GBF1: variants seen among roughly 807,000 people sequenced by gnomAD.
GBF1 encodes golgi brefeldin A resistant guanine nucleotide exchange factor 1.
In GBF1, 114 loss-of-function variants were observed where a neutral mutation model predicts 210.5. The observed-to-expected ratio is 0.54, with a 90% confidence interval of 0.47 to 0.63. GBF1 has a LOEUF of 0.63. GBF1 is among the 30% of genes least tolerant of loss of function. GBF1 has a pLI of 0.00. For missense variants in GBF1, 1,851 were observed against 2,357.7 expected, an observed-to-expected ratio of 0.79 and a Z score of 4.45; for synonymous variants, 850 against 889.2, an observed-to-expected ratio of 0.96 and a Z score of 0.78.
Position 102,292,279 on chromosome 10 carries a change from GACAA to G in GBF1, c.163+32171_163+32174del, listed in dbSNP as rs1055097256. On this transcript the variant is annotated intron_variant, in intron 3 of 39. Coordinates refer to ENST00000369983, the MANE Select transcript of GBF1 (RefSeq NM_001377137.1). ...AATAAGAAAATTCTGGAATCTCTGG[GACAA>G]ACAAACAGAAAAGAAAAAAAAATTT... Among the ~76,000 whole-genome samples the G allele has an allele frequency of 1.3e-4, 19 of 151,268 alleles. 1 individual carries two copies. The highest frequency in any genetic ancestry group is 2.4e-4 in the African/African-American group (10 of 41,206).
intron 29 of GBF1, among the ~76,000 whole-genome samples, chr10:102,373,042 C>T (rs951213591): frequency 2.0e-5 from 3 of 152,126 alleles, no homozygotes; most frequent in African/African-American, 4.8e-5. Context: ...AAGTTTTGTT[C>T]TATGAGAGCC....
intron 3 of GBF1, among the ~76,000 whole-genome samples, chr10:102,288,574 G>A (rs942700415): frequency 1.4e-4 from 22 of 151,784 alleles, no homozygotes; most frequent in African/African-American, 5.1e-4. Flanking sequence ...AGCCGGGCGC[G>A]GTGGCGGGCG....
intron 38 of GBF1, 33 bp downstream of exon 38, chr10:102,380,719 G>A (rs199806674): frequency 1.4e-5 from 22 of 1,546,174 alleles, no homozygotes; most frequent in Non-Finnish European, 1.8e-5. Flanking sequence ...ATCAAAAAGA[G>A]TCTCCTGCCT....
At chr10:102,329,712 C>G (rs576456083) in intron 3 of GBF1, among the ~76,000 whole-genome samples, 1 of 152,296 alleles carries the variant, frequency 6.6e-6, no homozygotes, top group East Asian at 1.9e-4. Context: ...ATCCACCTGC[C>G]TCGGCCTCCC....
At chr10:102,255,049 C>CT (rs1206639712) in intron 1 of GBF1, among the ~76,000 whole-genome samples, 10 of 151,114 alleles carry the variant, frequency 6.6e-5, no homozygotes, top group East Asian at 3.9e-4. Context: ...CTAGATGTTT[C>CT]TTTTTTTTTG....
intron 3 of GBF1, among the ~76,000 whole-genome samples, chr10:102,327,339 A>T (rs111669791): frequency 6.6e-6 from 1 of 152,206 alleles, no homozygotes; most frequent in Non-Finnish European, 1.5e-5. Flanking sequence ...GTGCAGCAAC[A>T]TTGAAGAACT....
At chr10:102,340,940 AT>A (rs1012358447) in intron 3 of GBF1, among the ~76,000 whole-genome samples, 1 of 152,198 alleles carries the variant, frequency 6.6e-6, no homozygotes, top group African/African-American at 2.4e-5. Context: ...CCAAAACACA[AT>A]CCATAAAATA....
intron 1 of GBF1, among the ~76,000 whole-genome samples, chr10:102,255,930 G>C (rs1340017677): frequency 6.6e-6 from 1 of 152,188 alleles, no homozygotes; most frequent in African/African-American, 2.4e-5. Flanking sequence ...CTGGGGAGCT[G>C]TCATGGGCAT....
At chr10:102,297,022 G>A (rs1054165856) in intron 3 of GBF1, among the ~76,000 whole-genome samples, 1 of 149,758 alleles carries the variant, frequency 6.7e-6, no homozygotes, top group African/African-American at 2.5e-5. Flanking sequence ...TCCAGCCTGA[G>A]CAACAGAGCG....
In GBF1 at chr10:102,382,171, GC is replaced by G; in HGVS notation, c.5423del (p.Pro1808HisfsTer2). The G allele has an allele frequency of 6.2e-7, 1 of 1,613,848 alleles. No individual in the cohort carries two copies. Among genetic ancestry groups the G allele is most frequent in the South Asian group, 1.1e-5 (1 of 91,070 alleles). ...TPDGPPPLAQ[P>X]PLILQPLASP... The stretch of plus-strand genomic sequence containing the variant: ...CCGACGGGCCTCCACCCTTGGCTCA[GC>G]CCCCACTGATCCTGCAGCCCTTGGC... On this transcript the variant is annotated frameshift_variant, in exon 40 of 40. Coordinates refer to ENST00000369983, the MANE Select transcript of GBF1 (RefSeq NM_001377137.1). LOFTEE classifies it high-confidence loss of function.
At chr10:102,260,228 G>A in intron 3 of GBF1, 112 bp downstream of exon 3, 1 of 593,668 alleles carries the variant, frequency 1.7e-6, no homozygotes, top group Non-Finnish European at 3.0e-6. Flanking sequence ...AATAATTTAG[G>A]CTTTGTGGGC....
Position 102,368,297 on chromosome 10 carries a change from G to C in GBF1, c.2722G>C (p.Gly908Arg). 1 of 1,614,104 alleles carries C rather than the reference G, an allele frequency of 6.2e-7. No homozygotes were observed. Among genetic ancestry groups the C allele is most frequent in the Non-Finnish European group, 8.5e-7 (1 of 1,179,922 alleles). ...NYVWNVLLHR[G>R]ATPEGIFLRV... ...TGTGTGGAATGTGCTGCTTCATCGA[G>C]GTGCCACCCCTGAGGGCATATTCCT... is the stretch of plus-strand genomic sequence containing the variant. Residue 908 changes from glycine to arginine, a missense_variant, in exon 22 of 40, where the codon GGT (glycine) becomes CGT (arginine). This residue lies in a region of GBF1 where 967 missense variants were observed against 1,247.7 expected (regional missense o/e 0.78). Transcript: ENST00000369983.
the GBF1 span, among the ~76,000 whole-genome samples, chr10:102,238,903 C>T: frequency 1.7e-4 from 26 of 152,274 alleles, no homozygotes; most frequent in East Asian, 4.8e-3. Flanking sequence ...TTTCTACTTC[C>T]TGCCTCTATC....
chr10:102,366,609 CAG>C lies in GBF1; in HGVS notation c.2433+106_2433+107del, dbSNP rs1253008779. On this transcript the variant is annotated intron_variant, in intron 19 of 39. Transcript: ENST00000369983. This position sits in a 1 kb window ranked among gnomAD's most constrained non-coding sequence, Gnocchi z 4.0. ...CTTTTTTTTTTTTTTTTTTTTGAGA[CAG>C]AGTCTCGCTCTGTCACCCAGGCTGG... 8 of 944,954 alleles carry C rather than the reference CAG, an allele frequency of 8.5e-6. No individual in the cohort carries two copies. Among genetic ancestry groups the C allele is most frequent in the Non-Finnish European group, 1.1e-5 (7 of 658,672 alleles). 58.5% of individuals were successfully genotyped at this position (944,954 alleles called of 1,614,324 possible). A position where few individuals can be genotyped will look rare whatever the true frequency, so the allele number is the denominator to read the frequency against.
intron 12 of GBF1, 138 bp downstream of exon 12, chr10:102,360,533 G>T (rs975980284): frequency 3.2e-6 from 2 of 630,224 alleles, no homozygotes; most frequent in African/African-American, 3.7e-5. Flanking sequence ...TTAGTAAGAG[G>T]GTTCCAGTAG....
chr10:102,267,513 A>G (rs2073982061), intron 3 of GBF1, among the ~76,000 whole-genome samples: 1 of 152,044 alleles, frequency 6.6e-6, no homozygotes, highest in African/African-American at 2.4e-5. Context: ...CAACAACAAC[A>G]ACAACAACAA....
At chr10:102,279,400 G>A (rs1269763942) in intron 3 of GBF1, among the ~76,000 whole-genome samples, 1 of 152,044 alleles carries the variant, frequency 6.6e-6, no homozygotes, top group Non-Finnish European at 1.5e-5. Context: ...TTTAATAAGT[G>A]GGATTTGCTA....
Position 102,275,383 on chromosome 10 carries a change from G to A in GBF1, c.163+15267G>A, listed in dbSNP as rs1376186405. Among the ~76,000 whole-genome samples the A allele has an allele frequency of 3.3e-5, 5 of 152,138 alleles. No homozygotes were observed. In the South Asian group the frequency reaches 1.0e-3, roughly 32 times the overall value. Reference sequence around the variant, plus strand: ...CAATAGGACATTTCATCATATATTTGTCTTTTGAATCCCAGAGAAAGCACC... The same window carrying A: ...CAATAGGACATTTCATCATATATTTATCTTTTGAATCCCAGAGAAAGCACC... On this transcript the variant is annotated intron_variant, in intron 3 of 39. Coordinates refer to ENST00000369983, the MANE Select transcript of GBF1 (RefSeq NM_001377137.1).
rs1373468720 is a variant in GBF1 at position 102,254,493 on chromosome 10, TG to T, written c.-10-4435del. The stretch of plus-strand genomic sequence containing the variant: ...TCCATTAAATAAGAATACAATTTAT[TG>T]TTTCTTTTTCTCCTGCTTTTGTTGG... On this transcript the variant is annotated intron_variant, in intron 1 of 39. Transcript: ENST00000369983. Among the ~76,000 whole-genome samples the T allele has an allele frequency of 2.0e-5, 3 of 152,346 alleles. No individual in the cohort carries two copies. In the East Asian group the frequency reaches 5.8e-4, roughly 29 times the overall value.
Sources: allele counts gnomAD v4.1 joint callset (sites outside exome capture counted in the v4.1 genomes callset), GRCh38; gene constraint gnomAD v4.1.1; regional missense constraint gnomAD v4.1.1; non-coding constraint Gnocchi (gnomAD v3.1); transcripts MANE v1.5; gene names NCBI Gene and HGNC (gene_info 2026-07-23, HGNC 2026-07-21).